Variants in ANGPT2 observed in about 807,000 individuals in gnomAD.
The protein encoded by ANGPT2 is angiopoietin 2, also known as angiopoietin-2.
ANGPT2 carries 28 observed loss-of-function variants against 62.9 expected under a neutral mutation model. The ratio of observed to expected loss-of-function variants is 0.44; its 90% CI spans 0.33 to 0.61. The LOEUF is 0.61. Among genes scored for constraint, ANGPT2 ranks in the 20% least tolerant of loss-of-function variants. The pLI is 0.03. For missense variants in ANGPT2, 727 were observed against 594.9 expected, an observed-to-expected ratio of 1.22 and a Z score of -2.31; for synonymous variants, 284 against 207.8, an observed-to-expected ratio of 1.37 and a Z score of -3.15.
At chr8:6,522,452 C>G (rs560870009) in intron 3 of ANGPT2, among the ~76,000 whole-genome samples, 1 of 151,956 alleles carries the variant, frequency 6.6e-6, no homozygotes, top group East Asian at 1.9e-4. Flanking sequence ...CATTATTATT[C>G]CCATTTCCAA....
chr8:6,532,531 C>T (rs576287261), intron 1 of ANGPT2, 44 bp from the exon 2 acceptor site: 39 of 1,451,128 alleles, frequency 2.7e-5, no homozygotes, highest in East Asian at 7.5e-5. Context: ...GTCAAATGAC[C>T]GGAAACCTGA....
chr8:6,538,765 G>T (rs929102537), intron 1 of ANGPT2, among the ~76,000 whole-genome samples: 9 of 152,160 alleles, frequency 5.9e-5, no homozygotes, highest in African/African-American at 1.9e-4. Flanking sequence ...GTTCTTGCTT[G>T]CTTGGTGAAG....
chr8:6,505,258 T>TA (rs1563305213), intron 8 of ANGPT2, among the ~76,000 whole-genome samples: 31 of 30,700 alleles, frequency 1.0e-3, no homozygotes, highest in East Asian at 6.0e-3. Flanking sequence ...TCTTTATATA[T>TA]GTTTTATATA....
intron 1 of ANGPT2, among the ~76,000 whole-genome samples, chr8:6,559,611 T>C (rs1825203552): frequency 6.6e-6 from 1 of 152,196 alleles, no homozygotes; most frequent in African/African-American, 2.4e-5. Context: ...ACTGCAGTTG[T>C]TTATAGGTAT....
intron 1 of ANGPT2, among the ~76,000 whole-genome samples, chr8:6,537,344 G>A (rs985231750): frequency 2.6e-5 from 4 of 152,050 alleles, no homozygotes; most frequent in Admixed American, 6.6e-5. Context: ...GCAAAGTGTG[G>A]GGCCTTGGGC....
chr8:6,504,564 A>T (rs1812890436), intron 8 of ANGPT2, among the ~76,000 whole-genome samples: 1 of 152,134 alleles, frequency 6.6e-6, no homozygotes, highest in East Asian at 1.9e-4. Context: ...TAATGGCCCC[A>T]AAAGTGCAAG....
rs543307383 is a variant in ANGPT2, at chr8:6,538,605, T to C, written c.289-6118A>G. ...CTCATACCACGGCCGCCTTTGTATCTCCTCCTTGAGTCTTCTCTTCCTCCT... is the reference window on the plus strand; with the variant it reads ...CTCATACCACGGCCGCCTTTGTATCCCCTCCTTGAGTCTTCTCTTCCTCCT... On this transcript the variant is annotated intron_variant, in intron 1 of 8. Transcript: ENST00000629816. Among the ~76,000 whole-genome samples, 127 of 152,288 alleles carry C rather than the reference T, an allele frequency of 8.3e-4. No individual in the cohort carries two copies. In the South Asian group the frequency reaches 0.018, roughly 21 times the overall value.
At position 6,562,715 on chromosome 8, in the gene ANGPT2, C is replaced by A. The variant is rs753197361; in HGVS notation, c.220G>T (p.Asp74Tyr). 1 of 1,613,288 alleles carries A rather than the reference C, an allele frequency of 6.2e-7. No individual in the cohort carries two copies. Residue 74 changes from aspartate to tyrosine, a missense_variant, in exon 1 of 9, where the codon GAT (aspartate) becomes TAT (tyrosine). Physicochemically the swap from Asp to Tyr is radical, Grantham distance 160 (BLOSUM62 -3). Coordinates refer to ENST00000629816, the MANE Select transcript of ANGPT2 (RefSeq NM_001118887.2). The stretch of plus-strand genomic sequence containing the variant: ...ACTTGCAGCCTCTGCACCGAGTCAT[C>A]GTATTCGAGCGGCGCGTCCCTCTGC... ...AVQRDAPLEY[D>Y]DSVQRLQVLE...
intron 7 of ANGPT2, among the ~76,000 whole-genome samples, chr8:6,511,765 T>G (rs149053208): frequency 6.6e-6 from 1 of 152,358 alleles, no homozygotes; most frequent in East Asian, 1.9e-4. Flanking sequence ...AAAAATTGAT[T>G]GCATTTCTAA....
chr8:6,520,044 A>T, intron 4 of ANGPT2, 53 bp from the exon 5 acceptor site: 2 of 1,592,720 alleles, frequency 1.3e-6, no homozygotes, highest in Non-Finnish European at 1.7e-6. Context: ...AAAGACAAAG[A>T]CTTGTTATTT....
At chr8:6,528,576 G>A (rs1252492279) in intron 2 of ANGPT2, among the ~76,000 whole-genome samples, 2 of 152,242 alleles carry the variant, frequency 1.3e-5, no homozygotes, top group Non-Finnish European at 2.9e-5. Context: ...GTGAAGCGGA[G>A]CCTCAGCCTT....
At position 6,505,341 on chromosome 8, in the gene ANGPT2, T is replaced by C. The variant is rs1563306307; in HGVS notation, c.1328-2080A>G. Among the ~76,000 whole-genome samples the C allele has an allele frequency of 1.9e-3, 80 of 41,524 alleles. 2 individuals are homozygous for C. Among genetic ancestry groups the C allele is most frequent in the Admixed American group, 0.012 (50 of 4,012 alleles). The allele number at this position is 41,524 out of a possible 152,430, so 27.2% of individuals were successfully genotyped here. ...ATATGTTATATACATATAGAAAGAA[T>C]ATATATATTCTTTCTATATGTATAT... On this transcript the variant is annotated intron_variant, in intron 8 of 8. Coordinates refer to ENST00000629816, the MANE Select transcript of ANGPT2 (RefSeq NM_001118887.2).
chr8:6,551,829 CGTACTTTCTCGA>C (rs1278554245), intron 1 of ANGPT2, among the ~76,000 whole-genome samples: 4 of 152,154 alleles, frequency 2.6e-5, no homozygotes, highest in African/African-American at 9.7e-5. Flanking sequence ...AATACAATAA[CGTACTTTCTCGA>C]GCAGAATTTT....
At chr8:6,525,094 A>G (rs1563344475) in intron 3 of ANGPT2, among the ~76,000 whole-genome samples, 1 of 152,226 alleles carries the variant, frequency 6.6e-6, no homozygotes, top group Non-Finnish European at 1.5e-5. Flanking sequence ...TTTTTTTGAC[A>G]GTAACATTTT....
rs1442977757 is a variant in ANGPT2, at chr8:6,505,418, TACATA to T, written c.1328-2162_1328-2158del. Among the ~76,000 whole-genome samples, 3 of 85,776 alleles carry T rather than the reference TACATA, an allele frequency of 3.5e-5. 1 individual carries two copies. Among genetic ancestry groups the T allele is most frequent in the African/African-American group, 1.3e-4 (3 of 22,622 alleles). 56.3% of individuals were successfully genotyped at this position (85,776 alleles called of 152,430 possible). A position where few individuals can be genotyped will look rare whatever the true frequency, so the allele number is the denominator to read the frequency against. On this transcript the variant is annotated intron_variant, in intron 8 of 8. Transcript: ENST00000629816. ...ATATAGAATATATATATTCTTTATA[TACATA>T]AAGAATATATATATTCTTTATATAC...
At chr8:6,550,054 A>G (rs765352707) in intron 1 of ANGPT2, among the ~76,000 whole-genome samples, 15 of 152,230 alleles carry the variant, frequency 9.9e-5, no homozygotes, top group Admixed American at 2.6e-4. Flanking sequence ...GCCTGCTGTC[A>G]GCACTGATGT....
rs930116626 is a variant in ANGPT2, at chr8:6,500,096, C to T, written c.*3005G>A. The T allele has an allele frequency of 2.6e-4, 171 of 656,658 alleles. 2 individuals are homozygous for T. Among genetic ancestry groups the T allele is most frequent in the Non-Finnish European group, 3.3e-5 (12 of 367,552 alleles). The allele number at this position is 656,658 out of a possible 1,614,324, so 40.7% of individuals were successfully genotyped here. On this transcript the variant is annotated 3_prime_UTR_variant, in exon 9 of 9. Transcript: ENST00000629816. ...CCTTTTATCAATTTATTCGCGAGAACAAATGTGAGAACGTGAGACCATTGT... is the reference window on the plus strand; with the variant it reads ...CCTTTTATCAATTTATTCGCGAGAATAAATGTGAGAACGTGAGACCATTGT...
chr8:6,527,414 C>T (rs1818535157), intron 3 of ANGPT2, 141 bp downstream of exon 3: 1 of 1,011,332 alleles, frequency 9.9e-7, no homozygotes, highest in South Asian at 1.8e-5. Context: ...AGCCCTCTCC[C>T]TTCTCCTCCC....
At chr8:6,508,801 A>C in intron 8 of ANGPT2, 131 bp downstream of exon 8, 1 of 1,282,128 alleles carries the variant, frequency 7.8e-7, no homozygotes, top group East Asian at 2.3e-5. Context: ...TACCTATATC[A>C]AGCTAGTGTG....
Sources: gnomAD v4.1 joint callset for allele counts (sites outside exome capture counted in the v4.1 genomes callset) on GRCh38, gnomAD v4.1.1 for gene constraint, MANE v1.5 for transcripts, NCBI Gene and HGNC (gene_info 2026-07-23, HGNC 2026-07-21) for gene names.